Variants in SPATA2 observed in about 807,000 individuals in gnomAD.
The protein encoded by SPATA2 is spermatogenesis-associated protein 2.
SPATA2 carries 8 observed loss-of-function variants against 35.4 expected under a neutral mutation model. The observed-to-expected ratio is 0.23, with a 90% confidence interval of 0.13 to 0.41. SPATA2 has a LOEUF of 0.41. SPATA2 is among the 10% of genes least tolerant of loss of function. The pLI, the probability that SPATA2 is intolerant of heterozygous loss-of-function variation, is 1.00. For missense variants in SPATA2, 650 were observed against 698.7 expected (o/e 0.93, Z 0.79); for synonymous variants, 293 against 300.9 (o/e 0.97, Z 0.27).
In SPATA2 at chr20:49,908,289, C is replaced by T. The variant is rs1385527407; in HGVS notation, c.202G>A (p.Glu68Lys). The T allele has an allele frequency of 3.7e-6, 6 of 1,614,092 alleles. No individual in the cohort carries two copies. The highest frequency in any genetic ancestry group is 4.5e-5 in the East Asian group (2 of 44,900). The change falls in exon 2 of 3, where the codon GAG (glutamate) becomes AAG (lysine). Residue 68 changes from glutamate to lysine, a missense_variant. Transcript: ENST00000289431. ...FYRFRLIQFYEVVESSLRSLS... is the reference protein window; with the variant it reads ...FYRFRLIQFYKVVESSLRSLS... ...GAGCGCAAGGAGCTCTCCACCACCT[C>T]ATAGAACTGGATCAGCCGGAATCGA... is the stretch of plus-strand genomic sequence containing the variant.
chr20:49,905,483 C>A lies in SPATA2; in HGVS notation c.*136G>T, dbSNP rs1488951918. ...TAAGTGAACTCCCACGTGGACACAG[C>A]CAGCCCACGATCTCTGCCACCTACA... On this transcript the variant is annotated 3_prime_UTR_variant, in exon 3 of 3. Transcript: ENST00000289431. 6.4e-6 allele frequency: 6 copies of A among 938,890 alleles called. No individual in the cohort carries two copies. In the Admixed American group the frequency reaches 8.2e-5, roughly 13 times the overall value. 58.2% of individuals were successfully genotyped at this position (938,890 alleles called of 1,614,324 possible). A position where few individuals can be genotyped will look rare whatever the true frequency, so the allele number is the denominator to read the frequency against.
intron 1 of SPATA2, 112 bp downstream of exon 1, chr20:49,915,268 T>A (rs1250593047): frequency 6.6e-6 from 1 of 152,306 alleles, no homozygotes; most frequent in African/African-American, 2.4e-5. Context: ...TAGTCCTGCC[T>A]GCCGTGAGGG....
intron 1 of SPATA2, among the ~76,000 whole-genome samples, chr20:49,909,650 T>C (rs2090171693): frequency 6.6e-6 from 1 of 152,158 alleles, no homozygotes; most frequent in Non-Finnish European, 1.5e-5. Flanking sequence ...CCAAAGTCCA[T>C]GCCCTTACCC....
intron 1 of SPATA2, among the ~76,000 whole-genome samples, chr20:49,909,955 G>T (rs1004324175): frequency 1.8e-4 from 28 of 152,240 alleles, no homozygotes; most frequent in Non-Finnish European, 3.5e-4. Flanking sequence ...TTGACAGCCT[G>T]CGGCCCCTTT....
Position 49,903,901 on chromosome 20 carries a change from AG to A in SPATA2, c.*1717del, listed in dbSNP as rs2090122315. 1 of 65,532 alleles carries A rather than the reference AG, an allele frequency of 1.5e-5. No homozygotes were observed. Among genetic ancestry groups the A allele is most frequent in the Non-Finnish European group, 2.6e-5 (1 of 38,772 alleles). The allele number at this position is 65,532 out of a possible 1,614,324, so 4.1% of individuals were successfully genotyped here. ...TACATCTACATGTGATCTACCAGATAGATATATATATATATATATATATATA... is the reference window on the plus strand; with the variant it reads ...TACATCTACATGTGATCTACCAGATAATATATATATATATATATATATATA... On this transcript the variant is annotated 3_prime_UTR_variant, in exon 3 of 3. Coordinates refer to ENST00000289431, the MANE Select transcript of SPATA2 (RefSeq NM_006038.4).
At position 49,906,868 on chromosome 20, in the gene SPATA2, G is replaced by C; in HGVS notation, c.337-23C>G. 1 of 1,581,734 alleles carries C rather than the reference G, an allele frequency of 6.3e-7. No individual in the cohort carries two copies. Among genetic ancestry groups the C allele is most frequent in the Non-Finnish European group, 8.6e-7 (1 of 1,162,756 alleles). The stretch of plus-strand genomic sequence containing the variant: ...GGTCTAGAAGGGAGGGAGTAGAAAA[G>C]AAAGGTGGGGTTTTCTGTCAGAGAC... On this transcript the variant is annotated intron_variant, in intron 2 of 2. Transcript: ENST00000289431. The surrounding 1 kb of genome is among the most constrained non-coding windows in gnomAD (Gnocchi z 8.2).
At position 49,905,961 on chromosome 20, in the gene SPATA2, A is replaced by C; in HGVS notation, c.1221T>G (p.Ala407=). The change falls in exon 3 of 3, where the codon GCT becomes GCG. Residue 407 remains alanine (A), a synonymous_variant. Coordinates refer to ENST00000289431, the MANE Select transcript of SPATA2 (RefSeq NM_006038.4). ...RCDSLLTCPP[A]SKPSAFPSKA... ...TGCTGGGGAAGGCGCTGGGCTTGGA[A>C]GCTGGAGGACAGGTGAGCAGGCTGT... The C allele has an allele frequency of 6.2e-7, 1 of 1,609,472 alleles. No individual in the cohort carries two copies. The highest frequency in any genetic ancestry group is 8.5e-7 in the Non-Finnish European group (1 of 1,179,878).
At position 49,908,252 on chromosome 20, in the gene SPATA2, GAGGAGCTGAGCGAGCGCA is replaced by G; in HGVS notation, c.221_238del (p.Leu74_Ser79del). 1 of 1,614,204 alleles carries G rather than the reference GAGGAGCTGAGCGAGCGCA, an allele frequency of 6.2e-7. No individual in the cohort carries two copies. Among genetic ancestry groups the G allele is most frequent in the Non-Finnish European group, 8.5e-7 (1 of 1,180,046 alleles). On this transcript the variant is annotated inframe_deletion, in exon 2 of 3. Transcript: ENST00000289431. ...GGCGCCGTGCAGAGCCCGCAGGCTAGAGGAGCTGAGCGAGCGCAAGGAGCTCTCCACCACCTCATAGAA... is the reference window on the plus strand; with the variant it reads ...GGCGCCGTGCAGAGCCCGCAGGCTAGAGGAGCTCTCCACCACCTCATAGAA...
chr20:49,908,484 T>C lies in SPATA2; in HGVS notation c.7A>G (p.Lys3Glu). 1 of 1,589,840 alleles carries C rather than the reference T, an allele frequency of 6.3e-7. No individual in the cohort carries two copies. The highest frequency in any genetic ancestry group is 8.6e-7 in the Non-Finnish European group (1 of 1,162,304). Reference protein sequence around the residue: MGKPSSMDTKFKD... With the variant: MGEPSSMDTKFKD... ...AATTTAGTATCCATTGAACTGGGCT[T>C]CCCCATCCGATCGAGGGGGGCTACC... Residue 3 changes from lysine to glutamate, a missense_variant, in exon 2 of 3, where the codon AAG (lysine) becomes GAG (glutamate). Lys to Glu is a moderately conservative substitution (Grantham distance 56). Transcript: ENST00000289431.
At position 49,905,681 on chromosome 20, in the gene SPATA2, A is replaced by G; in HGVS notation, c.1501T>C (p.Phe501Leu). The change falls in exon 3 of 3, where the codon TTC (phenylalanine) becomes CTC (leucine). Residue 501 changes from phenylalanine (F) to leucine (L), a missense_variant. Coordinates refer to ENST00000289431, the MANE Select transcript of SPATA2 (RefSeq NM_006038.4). ...TAGTTCAGCTGGTTGTTGGGCATGA[A>G]CTTGTGCAGCTCACTCTTTTTGTAG... Reference protein sequence around the residue: ...PCYKKSELHKFMPNNQLNYKS... With the variant: ...PCYKKSELHKLMPNNQLNYKS... The G allele has an allele frequency of 1.2e-6, 2 of 1,614,230 alleles. No individual in the cohort carries two copies. Among genetic ancestry groups the G allele is most frequent in the Non-Finnish European group, 8.5e-7 (1 of 1,180,028 alleles).
Position 49,906,274 on chromosome 20 carries a change from C to A in SPATA2, c.908G>T (p.Ser303Ile). ...CACATCCGGGCTGCCGTGGGGGGAGCTGGCCATGGTCAGCAGCGAAGGGGA... is the reference window on the plus strand; with the variant it reads ...CACATCCGGGCTGCCGTGGGGGGAGATGGCCATGGTCAGCAGCGAAGGGGA... ...RPSPSLLTMASSPHGSPDVLP... is the reference protein window; with the variant it reads ...RPSPSLLTMAISPHGSPDVLP... Residue 303 changes from serine to isoleucine, a missense_variant, in exon 3 of 3, where the codon AGC becomes ATC. Physicochemically the swap from Ser to Ile is moderately radical, Grantham distance 142. Transcript: ENST00000289431. This position sits in a 1 kb window ranked among gnomAD's most constrained non-coding sequence, Gnocchi z 8.2. The A allele has an allele frequency of 6.4e-7, 1 of 1,572,264 alleles. No individual in the cohort carries two copies. The highest frequency in any genetic ancestry group is 1.3e-5 in the African/African-American group (1 of 74,278).
intron 1 of SPATA2, among the ~76,000 whole-genome samples, chr20:49,909,965 T>C (rs758449161): frequency 2.0e-5 from 3 of 152,192 alleles, no homozygotes; most frequent in Non-Finnish European, 4.4e-5. Context: ...GCGGCCCCTT[T>C]ATCACCAGAG....
Position 49,906,740 on chromosome 20 carries a change from A to G in SPATA2, c.442T>C (p.Tyr148His). ...MGYTPELGTAYKLRELVETLQ... is the reference protein window; with the variant it reads ...MGYTPELGTAHKLRELVETLQ... ...GTCTCCACGAGCTCTCTGAGCTTGT[A>G]TGCAGTGCCCAGCTCAGGTGTGTAG... Residue 148 changes from tyrosine to histidine, a missense_variant, in exon 3 of 3, where the codon TAC (tyrosine) becomes CAC (histidine). Tyr to His is a moderately conservative substitution (Grantham distance 83). Transcript: ENST00000289431. The surrounding 1 kb of genome is among the most constrained non-coding windows in gnomAD (Gnocchi z 8.2). 6.2e-7 allele frequency: 1 copy of G among 1,614,190 alleles called. No individual in the cohort carries two copies. The highest frequency in any genetic ancestry group is 8.5e-7 in the Non-Finnish European group (1 of 1,180,034).
In SPATA2 at chr20:49,908,259, T is replaced by C. The variant is rs754501057; in HGVS notation, c.232A>G (p.Ser78Gly). 1.2e-6 allele frequency: 2 copies of C among 1,614,030 alleles called. No individual in the cohort carries two copies. The highest frequency in any genetic ancestry group is 3.3e-5 in the Admixed American group (2 of 60,012). Residue 78 changes from serine (S) to glycine (G), a missense_variant, in exon 2 of 3, where the codon AGC becomes GGC. Ser to Gly is a moderately conservative substitution (Grantham distance 56). Coordinates refer to ENST00000289431, the MANE Select transcript of SPATA2 (RefSeq NM_006038.4). ...TGCAGAGCCCGCAGGCTAGAGGAGC[T>C]GAGCGAGCGCAAGGAGCTCTCCACC... is the stretch of plus-strand genomic sequence containing the variant. ...EVVESSLRSL[S>G]SSSLRALHGA... is the part of the protein sequence containing the mutation.
rs2090131324 is a variant in SPATA2, at chr20:49,904,917, A to C, written c.*702T>G. The C allele has an allele frequency of 1.3e-5, 2 of 152,742 alleles. No homozygotes were observed. Among genetic ancestry groups the C allele is most frequent in the South Asian group, 2.1e-4 (1 of 4,830 alleles). 9.5% of individuals were successfully genotyped at this position (152,742 alleles called of 1,614,324 possible). A position where few individuals can be genotyped will look rare whatever the true frequency, so the allele number is the denominator to read the frequency against. ...GCATGTGCAAACAACAGAAAGGGGG[A>C]AGTCAGTCCTGCTGTGGGAAGCCCA... On this transcript the variant is annotated 3_prime_UTR_variant, in exon 3 of 3. Coordinates refer to ENST00000289431, the MANE Select transcript of SPATA2 (RefSeq NM_006038.4).
Position 49,904,195 on chromosome 20 carries a change from C to G in SPATA2, c.*1424G>C, listed in dbSNP as rs1486903542. ...CGGCTTTATTTTCAAACTCTTGCCC[C>G]ACTCCTGCTCTTGTACCCCCACAAG... On this transcript the variant is annotated 3_prime_UTR_variant, in exon 3 of 3. Transcript: ENST00000289431. The G allele has an allele frequency of 1.3e-5, 2 of 152,380 alleles. No individual in the cohort carries two copies. Among genetic ancestry groups the G allele is most frequent in the Non-Finnish European group, 2.9e-5 (2 of 67,996 alleles). The allele number at this position is 152,380 out of a possible 1,614,324, so 9.4% of individuals were successfully genotyped here. A position where few individuals can be genotyped will look rare whatever the true frequency, so the allele number is the denominator to read the frequency against.
intron 1 of SPATA2, among the ~76,000 whole-genome samples, chr20:49,909,503 C>G (rs545448365): frequency 4.9e-4 from 74 of 151,866 alleles, no homozygotes; most frequent in African/African-American, 1.8e-3. Context: ...TCCAGGAGCT[C>G]GAGACCAGCC....
chr20:49,905,808 G>A lies in SPATA2; in HGVS notation c.1374C>T (p.Ser458=), dbSNP rs754368387. 1.9e-6 allele frequency: 3 copies of A among 1,614,254 alleles called. No individual in the cohort carries two copies. Among genetic ancestry groups the A allele is most frequent in the Non-Finnish European group, 1.7e-6 (2 of 1,180,034 alleles). The change falls in exon 3 of 3, where the codon TCC becomes TCT. Residue 458 remains serine (S), a synonymous_variant. Coordinates refer to ENST00000289431, the MANE Select transcript of SPATA2 (RefSeq NM_006038.4). ...CTGGGCGGTTGCAGAAGCCACAGCG[G>A]GAAGTGGGCGTGGTGGAGGGCTTGG... ...SKSKPSTTPT[S]RCGFCNRPGA... is the part of the protein sequence containing the mutation.
chr20:49,914,729 C>T (rs1244498708), intron 1 of SPATA2, among the ~76,000 whole-genome samples: 1 of 152,232 alleles, frequency 6.6e-6, no homozygotes, highest in African/African-American at 2.4e-5. Flanking sequence ...CTGTTTCCCT[C>T]CCTGCAGGGG....
Sources: gnomAD v4.1 joint callset for allele counts (sites outside exome capture counted in the v4.1 genomes callset) on GRCh38, gnomAD v4.1.1 for gene constraint, Gnocchi (gnomAD v3.1) non-coding constraint, MANE v1.5 for transcripts, NCBI Gene and HGNC (gene_info 2026-07-23, HGNC 2026-07-21) for gene names.